The following SMAD3 variants were observed in gnomAD, a reference collection of about 807,000 sequenced individuals.
SMAD3 encodes SMAD family member 3, also known as MAD homolog 3.
Under a neutral mutation model 51.8 loss-of-function variants are expected in SMAD3, and 12 were observed. The ratio of observed to expected loss-of-function variants is 0.23; its 90% CI spans 0.15 to 0.38. The LOEUF is 0.38. Ranked by LOEUF, SMAD3 falls within the 10% of genes least tolerant of loss-of-function variation. The pLI, the probability that SMAD3 is intolerant of heterozygous loss-of-function variation, is 1.00. For missense variants in SMAD3, 294 were observed against 565.6 expected (o/e 0.52, Z 4.87); for synonymous variants, 238 against 227.7 (o/e 1.05, Z -0.41).
intron 1 of SMAD3, among the ~76,000 whole-genome samples, chr15:67,071,750 T>C (rs1960059007): frequency 6.6e-6 from 1 of 152,140 alleles, no homozygotes; most frequent in South Asian, 2.1e-4. Flanking sequence ...AGGCGGAGCT[T>C]GCAGTGAGCC....
At chr15:67,081,281 C>T (rs557916898) in intron 1 of SMAD3, among the ~76,000 whole-genome samples, 1 of 152,220 alleles carries the variant, frequency 6.6e-6, no homozygotes, top group South Asian at 2.1e-4. Context: ...GGAACTGAGC[C>T]CTGGTGTCAT....
intron 8 of SMAD3, 79 bp from the exon 9 acceptor site, chr15:67,190,334 A>G: frequency 2.2e-6 from 3 of 1,353,812 alleles, no homozygotes; most frequent in Non-Finnish European, 3.2e-6. Context: ...TCACCAAAGC[A>G]GAAAAAGCTT....
chr15:67,103,658 G>T (rs1004766743), intron 1 of SMAD3, among the ~76,000 whole-genome samples: 12 of 152,282 alleles, frequency 7.9e-5, no homozygotes, highest in African/African-American at 2.2e-4. Context: ...AGCTGAATGT[G>T]TGTGGGGTGT....
In SMAD3 at chr15:67,181,257, C is replaced by G; in HGVS notation, c.675C>G (p.Thr225=). The G allele has an allele frequency of 6.2e-7, 1 of 1,612,982 alleles. No individual in the cohort carries two copies. The highest frequency in any genetic ancestry group is 8.5e-7 in the Non-Finnish European group (1 of 1,179,970). ...TGTCCACAGACCTGCAGCCAGTTACCTACTGCGAGCCGGCCTTCTGGTGCT... is the reference window on the plus strand; with the variant it reads ...TGTCCACAGACCTGCAGCCAGTTACGTACTGCGAGCCGGCCTTCTGGTGCT... ...AHNNLDLQPV[T]YCEPAFWCSI... The change falls in exon 6 of 9, where the codon ACC becomes ACG. Residue 225 remains threonine, a synonymous_variant. Transcript: ENST00000327367.
intron 1 of SMAD3, among the ~76,000 whole-genome samples, chr15:67,119,711 C>T (rs11637581): frequency 0.19 from 28,452 of 152,158 alleles, 3,398 homozygotes; most frequent in Non-Finnish European, 0.28. Flanking sequence ...AAGAGAGCTT[C>T]TGAAAGGAAA....
intron 1 of SMAD3, among the ~76,000 whole-genome samples, chr15:67,116,708 G>C (rs1961143202): frequency 6.6e-6 from 1 of 152,176 alleles, no homozygotes; most frequent in Non-Finnish European, 1.5e-5. Flanking sequence ...CAGTGAAGGA[G>C]AGTCTTAGGT....
chr15:67,066,768 C>T (rs115201137), intron 1 of SMAD3, among the ~76,000 whole-genome samples: 4 of 152,338 alleles, frequency 2.6e-5, no homozygotes, highest in African/African-American at 9.6e-5. Flanking sequence ...GGCCCGCGCT[C>T]GTGGAGGTGG....
intron 1 of SMAD3, among the ~76,000 whole-genome samples, chr15:67,066,597 C>CTTCCACACCTCACATTCCCT (rs1430994723): frequency 6.6e-6 from 1 of 152,234 alleles, no homozygotes; most frequent in Non-Finnish European, 1.5e-5. Context: ...GGCACTCTGG[C>CTTCCACACCTCACATTCCCT]TTCCACACCT....
chr15:67,190,363 CTGGAGAT>C (rs1328203288), intron 8 of SMAD3, 43 bp from the exon 9 acceptor site: 2 of 1,575,746 alleles, frequency 1.3e-6, no homozygotes, highest in Non-Finnish European at 1.7e-6. Context: ...GTGTAACCCC[CTGGAGAT>C]TTTTTAAGTC....
At position 67,192,049 on chromosome 15, in the gene SMAD3, G is replaced by T. The variant is rs559626107; in HGVS notation, c.*1513G>T. The T allele has an allele frequency of 8.6e-6, 2 of 232,102 alleles. No individual in the cohort carries two copies. The highest frequency in any genetic ancestry group is 1.1e-4 in the Admixed American group (2 of 17,748). The allele number at this position is 232,102 out of a possible 1,614,324, so 14.4% of individuals were successfully genotyped here. On this transcript the variant is annotated 3_prime_UTR_variant, in exon 9 of 9. Coordinates refer to ENST00000327367, the MANE Select transcript of SMAD3 (RefSeq NM_005902.4). ...CTTTGCTGCTGTTTTTGTATAAAAT[G>T]ACCTATCCCACGTTTTTGCATGAAT...
intron 1 of SMAD3, among the ~76,000 whole-genome samples, chr15:67,111,971 A>G (rs947179650): frequency 1.3e-5 from 2 of 150,096 alleles, no homozygotes; most frequent in African/African-American, 4.9e-5. Context: ...TATTTTTAGT[A>G]GAGACAGGGT....
chr15:67,180,668 C>T (rs1181305955), intron 5 of SMAD3, among the ~76,000 whole-genome samples: 2 of 151,890 alleles, frequency 1.3e-5, no homozygotes, highest in African/African-American at 4.8e-5. Context: ...TCGGCTGCTG[C>T]AGGCTTGGAA....
chr15:67,133,376 T>C (rs1202634190), intron 1 of SMAD3, among the ~76,000 whole-genome samples: 1 of 152,094 alleles, frequency 6.6e-6, no homozygotes, highest in East Asian at 1.9e-4. Context: ...CCAATGCCAA[T>C]ATTATATGCC....
At chr15:67,071,575 G>A (rs753480263) in intron 1 of SMAD3, among the ~76,000 whole-genome samples, 1 of 152,250 alleles carries the variant, frequency 6.6e-6, no homozygotes, top group Non-Finnish European at 1.5e-5. Flanking sequence ...ACTTTGGGAG[G>A]CCGAGGCAGG....
At chr15:67,161,841 G>A (rs1962440149) in intron 1 of SMAD3, among the ~76,000 whole-genome samples, 1 of 152,164 alleles carries the variant, frequency 6.6e-6, no homozygotes, top group South Asian at 2.1e-4. Context: ...AGTGTCCTAG[G>A]AAGCTCATGA....
At chr15:67,136,524 T>G (rs1286885832) in intron 1 of SMAD3, among the ~76,000 whole-genome samples, 1 of 152,080 alleles carries the variant, frequency 6.6e-6, no homozygotes, top group Non-Finnish European at 1.5e-5. Context: ...AGAGACAGGG[T>G]TTCGCCATGT....
chr15:67,113,697 A>G (rs1961073902), intron 1 of SMAD3, among the ~76,000 whole-genome samples: 1 of 152,238 alleles, frequency 6.6e-6, no homozygotes, highest in African/African-American at 2.4e-5. Context: ...GTTTAAAAAA[A>G]TGTCCCCACC....
At chr15:67,158,904 A>AGTTACATG (rs1213752427) in intron 1 of SMAD3, among the ~76,000 whole-genome samples, 2 of 152,226 alleles carry the variant, frequency 1.3e-5, no homozygotes, top group Admixed American at 1.3e-4. Flanking sequence ...AGGCAGTAAT[A>AGTTACATG]GTTACATGAC....
At chr15:67,129,185 A>G (rs1961463379) in intron 1 of SMAD3, among the ~76,000 whole-genome samples, 1 of 152,192 alleles carries the variant, frequency 6.6e-6, no homozygotes, top group South Asian at 2.1e-4. Flanking sequence ...TGGGAAACAT[A>G]AAGCAGGAAC....
Sources: allele counts gnomAD v4.1 joint callset (sites outside exome capture counted in the v4.1 genomes callset), GRCh38; gene constraint gnomAD v4.1.1; transcripts MANE v1.5; gene names NCBI Gene and HGNC (gene_info 2026-07-23, HGNC 2026-07-21).